TUBGCP2: variants seen among roughly 807,000 people sequenced by gnomAD.
The protein encoded by TUBGCP2 is tubulin gamma complex component 2, also known as gamma-tubulin complex component 2.
In TUBGCP2, 55 loss-of-function variants were observed where a neutral mutation model predicts 92.2. The observed-to-expected ratio is 0.60, with a 90% CI of 0.48 to 0.75. The LOEUF (loss-of-function observed/expected upper bound fraction) is 0.75, where lower values mean the gene tolerates loss of function less well. Ranked by LOEUF, TUBGCP2 falls within the 30% of genes least tolerant of loss-of-function variation. The probability of loss-of-function intolerance (pLI) is 0.00; values close to 1 mark genes in which losing one functional copy is unlikely to be tolerated. For synonymous variants in TUBGCP2, 533 were observed against 505.2 expected, an observed-to-expected ratio of 1.06 and a Z score of -0.74; for missense variants, 1,093 against 1,188.9, an observed-to-expected ratio of 0.92 and a Z score of 1.19.
chr10:133,309,530 CTGGGGCT>C, upstream of TUBGCP2: 25 of 1,531,460 alleles, frequency 1.6e-5, no homozygotes, highest in Non-Finnish European at 2.2e-5. Context: ...TGCCTGGTCC[CTGGGGCT>C]GTGCTGCCGC....
intron 2 of TUBGCP2, among the ~76,000 whole-genome samples, chr10:133,300,702 C>A (rs1236259315): frequency 6.6e-6 from 1 of 151,072 alleles, no homozygotes; most frequent in Non-Finnish European, 1.5e-5. Context: ...CTCTCAAACT[C>A]CCAGGCTCAA....
intron 8 of TUBGCP2, chr10:133,290,318 C>A (rs948376366): frequency 2.4e-5 from 5 of 205,954 alleles, no homozygotes; most frequent in Non-Finnish European, 4.1e-5. Flanking sequence ...CACAGTGAAA[C>A]CCCGTCTCTA....
chr10:133,290,035 C>G (rs555646670), intron 8 of TUBGCP2, 66 bp from the exon 9 acceptor site: 712 of 1,591,576 alleles, frequency 4.5e-4, no homozygotes, highest in Admixed American at 7.4e-4. Flanking sequence ...CGACACTTCT[C>G]CAGGCCGGCA....
intron 8 of TUBGCP2, chr10:133,290,641 T>C (rs1287170033): frequency 6.6e-6 from 1 of 152,248 alleles, no homozygotes; most frequent in African/African-American, 2.4e-5. Context: ...CACCTCTTTT[T>C]GGAATTTAGC....
In TUBGCP2 at chr10:133,301,132, T is replaced by A. The variant is rs111722035; in HGVS notation, c.151-1019A>T. Among the ~76,000 whole-genome samples the A allele has an allele frequency of 5.0e-3, 769 of 152,302 alleles. 6 individuals carry two copies. The highest frequency in any genetic ancestry group is 8.3e-3 in the Non-Finnish European group (566 of 68,026). Reference sequence around the variant, plus strand: ...TGTTATTATGTGCAACCCTAGGGGTTATGCTTTTTCTTTTGGACGGAGTTT... The same window carrying A: ...TGTTATTATGTGCAACCCTAGGGGTAATGCTTTTTCTTTTGGACGGAGTTT... On this transcript the variant is annotated intron_variant, in intron 2 of 17. Coordinates refer to ENST00000252936, the MANE Select transcript of TUBGCP2 (RefSeq NM_006659.4).
chr10:133,289,970 C>G lies in TUBGCP2; in HGVS notation c.1215-1G>C, dbSNP rs1457541607. ...CTCGTGCTCCTCGACCATAAACTCA[C>G]TAAAACCACAGGGAGCGCTTCGGTC... On this transcript the variant is annotated splice_acceptor_variant, in intron 8 of 17. Coordinates refer to ENST00000252936, the MANE Select transcript of TUBGCP2 (RefSeq NM_006659.4). LOFTEE classifies it high-confidence loss of function. 6 of 1,613,034 alleles carry G rather than the reference C, an allele frequency of 3.7e-6. No homozygotes were observed. Among genetic ancestry groups the G allele is most frequent in the Non-Finnish European group, 5.1e-6 (6 of 1,179,066 alleles).
rs781570537 is a variant in TUBGCP2, at chr10:133,288,897, G to A, written c.1484C>T (p.Ala495Val). Residue 495 changes from alanine (A) to valine (V), a missense_variant, in exon 10 of 18, where the codon GCC becomes GTC. Ala to Val is a moderately conservative substitution (Grantham distance 64, BLOSUM62 0). This residue lies in a region of TUBGCP2 where 598 missense variants were observed against 675.5 expected (regional missense o/e 0.89). Transcript: ENST00000252936. Reference protein sequence around the residue: ...VEQIEKAFNYASKVLLDFLME... With the variant: ...VEQIEKAFNYVSKVLLDFLME... ...CAGGAAGTCCAGCAGCACCTTGCTG[G>A]CGTAGTTAAACGCCTTCTCGATCTG... 6.2e-7 allele frequency: 1 copy of A among 1,614,132 alleles called. No homozygotes were observed. Among genetic ancestry groups the A allele is most frequent in the South Asian group, 1.1e-5 (1 of 91,066 alleles).
chr10:133,310,431 T>C, upstream of TUBGCP2: 1 of 1,062,606 alleles, frequency 9.4e-7, no homozygotes, highest in Non-Finnish European at 1.3e-6. Context: ...CCTGAAGCCC[T>C]GGCAACACAG....
Position 133,285,995 on chromosome 10 carries a change from G to A in TUBGCP2, c.1723-367C>T, listed in dbSNP as rs947009904. Among the ~76,000 whole-genome samples, 11 of 152,084 alleles carry A rather than the reference G, an allele frequency of 7.2e-5. No homozygotes were observed. The highest frequency in any genetic ancestry group is 1.5e-5 in the Non-Finnish European group (1 of 68,028). ...GGTTGAAAAATGAAGCATATTTGAC[G>A]AGGGACATAATAGTTATTATAAGCA... is the stretch of plus-strand genomic sequence containing the variant. On this transcript the variant is annotated intron_variant, in intron 11 of 17. Transcript: ENST00000252936. The surrounding 1 kb of genome is among the most constrained non-coding windows in gnomAD (Gnocchi z 6.8).
chr10:133,281,825 A>C (rs1846985963), intron 16 of TUBGCP2, among the ~76,000 whole-genome samples: 1 of 152,182 alleles, frequency 6.6e-6, no homozygotes, highest in Non-Finnish European at 1.5e-5. Flanking sequence ...TGCCCACCCC[A>C]CCATGCCACC....
At chr10:133,309,681 G>T, upstream of TUBGCP2, 1 of 1,432,480 alleles carries the variant, frequency 7.0e-7, no homozygotes, top group South Asian at 1.1e-5. Context: ...GATGCATAGG[G>T]GCTTTATTGG....
At position 133,302,880 on chromosome 10, in the gene TUBGCP2, C is replaced by T. The variant is rs1460882379; in HGVS notation, c.62G>A (p.Gly21Glu). The T allele has an allele frequency of 6.2e-7, 1 of 1,614,044 alleles. No individual in the cohort carries two copies. The highest frequency in any genetic ancestry group is 1.7e-5 in the Admixed American group (1 of 60,030). ...NELLSLLRVHGGDGAEVYIDL... is the reference protein window; with the variant it reads ...NELLSLLRVHEGDGAEVYIDL... The stretch of plus-strand genomic sequence containing the variant: ...AATGTAGACCTCAGCCCCATCTCCT[C>T]CGTGGACACGCAGCAGGCTAAGCAG... The change falls in exon 2 of 18, where the codon GGA (glycine) becomes GAA (glutamate). Residue 21 changes from glycine (G) to glutamate (E), a missense_variant. Gly to Glu is a moderately conservative substitution (Grantham distance 98). Around this residue, in one of 3 missense-constraint regions of TUBGCP2, gnomAD observed 490 missense variants for 488.5 expected, o/e 1.00. Coordinates refer to ENST00000252936, the MANE Select transcript of TUBGCP2 (RefSeq NM_006659.4).
At chr10:133,284,136 C>A in intron 13 of TUBGCP2, 134 bp from the exon 14 acceptor site, 2 of 1,389,712 alleles carry the variant, frequency 1.4e-6, no homozygotes, top group Non-Finnish European at 1.9e-6. Flanking sequence ...AGAGCAAGCG[C>A]CCCTCCCAGC....
rs1369233179 is a variant in TUBGCP2 at position 133,302,826 on chromosome 10, T to C, written c.116A>G (p.Tyr39Cys). The C allele has an allele frequency of 1.2e-6, 2 of 1,613,148 alleles. No homozygotes were observed. The highest frequency in any genetic ancestry group is 1.3e-5 in the African/African-American group (1 of 74,892). The change falls in exon 2 of 18, where the codon TAC (tyrosine) becomes TGC (cysteine). Residue 39 changes from tyrosine to cysteine, a missense_variant. Around this residue, in one of 3 missense-constraint regions of TUBGCP2, gnomAD observed 490 missense variants for 488.5 expected, o/e 1.00. Transcript: ENST00000252936. Reference sequence around the variant, plus strand: ...GTGAGCAGAGACAGTGGTAGTGACGTACGGGGTCCTGTTCTTTTGAAGCAG... The same window carrying C: ...GTGAGCAGAGACAGTGGTAGTGACGCACGGGGTCCTGTTCTTTTGAAGCAG... Reference protein sequence around the residue: ...IDLLQKNRTPYVTTTVSAHSA... With the variant: ...IDLLQKNRTPCVTTTVSAHSA...
chr10:133,280,916 G>A (rs1264309184), intron 17 of TUBGCP2, among the ~76,000 whole-genome samples: 2 of 151,868 alleles, frequency 1.3e-5, no homozygotes, highest in Non-Finnish European at 2.9e-5. Flanking sequence ...GCGCTGGGCT[G>A]AGCTGGGGGA....
rs1451127557 is a variant in TUBGCP2, at chr10:133,292,185, C to T, written c.1214+314G>A. Reference sequence around the variant, plus strand: ...GAGGGCAGCATGCACACTCCGTGTCCCCCGTGTCCCTCCGTGTCCCCCATG... The same window carrying T: ...GAGGGCAGCATGCACACTCCGTGTCTCCCGTGTCCCTCCGTGTCCCCCATG... On this transcript the variant is annotated intron_variant, in intron 8 of 17. Coordinates refer to ENST00000252936, the MANE Select transcript of TUBGCP2 (RefSeq NM_006659.4). 1.1e-3 allele frequency among the ~76,000 whole-genome samples: 2 copies of T among 1,848 alleles called. 1 individual carries two copies. Among genetic ancestry groups the T allele is most frequent in the Non-Finnish European group, 2.9e-3 (2 of 690 alleles). 1.2% of individuals were successfully genotyped at this position (1,848 alleles called of 152,430 possible).
At chr10:133,305,896 C>T (rs1847805366) in intron 1 of TUBGCP2, among the ~76,000 whole-genome samples, 1 of 152,256 alleles carries the variant, frequency 6.6e-6, no homozygotes, top group Non-Finnish European at 1.5e-5. Context: ...AGTCTGGACA[C>T]TGACGTGGCT....
chr10:133,310,225 A>G (rs747778765), upstream of TUBGCP2: 42 of 1,613,986 alleles, frequency 2.6e-5, no homozygotes, highest in Admixed American at 6.7e-5. Context: ...CGGAAGGATC[A>G]CATGGTGAGG....
upstream of TUBGCP2, among the ~76,000 whole-genome samples, chr10:133,311,439 C>T (rs1847985427): frequency 1.3e-5 from 2 of 152,176 alleles, no homozygotes; most frequent in African/African-American, 4.8e-5. Context: ...ACCCGTGGCA[C>T]CGTTGGCACC....
Sources: gnomAD v4.1 joint callset for allele counts (sites outside exome capture counted in the v4.1 genomes callset) on GRCh38, gnomAD v4.1.1 for gene constraint, gnomAD v4.1.1 regional missense constraint, Gnocchi (gnomAD v3.1) non-coding constraint, MANE v1.5 for transcripts, NCBI Gene and HGNC (gene_info 2026-07-23, HGNC 2026-07-21) for gene names.